Variants in CLEC19A observed in about 807,000 individuals in gnomAD.
CLEC19A encodes the protein C-type lectin domain family 19 member A.
Under a neutral mutation model 26.1 loss-of-function variants are expected in CLEC19A, and 21 were observed. That is an observed-to-expected ratio of 0.80 (90% CI 0.57 to 1.16). The LOEUF is 1.16. CLEC19A is among the 50% of genes most tolerant of loss of function. The pLI is 0.00. For missense variants in CLEC19A, 224 were observed against 227.6 expected (o/e 0.98, Z 0.10); for synonymous variants, 89 against 88.6 (o/e 1.00, Z -0.03).
intron 1 of CLEC19A, among the ~76,000 whole-genome samples, chr16:19,292,321 G>A (rs938253153): frequency 1.3e-5 from 2 of 152,158 alleles, no homozygotes; most frequent in African/African-American, 4.8e-5. Flanking sequence ...GAAGGTCCCA[G>A]GGGATGCTGA....
rs542491516 is a variant in CLEC19A, at chr16:19,286,748, C to T, written c.88+809C>T. Among the ~76,000 whole-genome samples the T allele has an allele frequency of 2.0e-5, 3 of 152,218 alleles. No individual in the cohort carries two copies. In the South Asian group the frequency reaches 6.2e-4, roughly 32 times the overall value. On this transcript the variant is annotated intron_variant, in intron 1 of 4. Coordinates refer to ENST00000636231, the MANE Select transcript of CLEC19A (RefSeq NM_001256720.2). ...TCATATATGGATTTATTTATCATAGCAGTGGCAGAGATATCATTTTTAAAT... is the reference window on the plus strand; with the variant it reads ...TCATATATGGATTTATTTATCATAGTAGTGGCAGAGATATCATTTTTAAAT...
At chr16:19,295,237 G>T (rs1412768196) in intron 1 of CLEC19A, among the ~76,000 whole-genome samples, 1 of 152,046 alleles carries the variant, frequency 6.6e-6, no homozygotes, top group African/African-American at 2.4e-5. Flanking sequence ...TCAGGGTCTT[G>T]CTCTATCGTC....
chr16:19,307,759 G>A lies in CLEC19A; in HGVS notation c.481+82G>A, dbSNP rs575173744. 4.0e-5 allele frequency: 60 copies of A among 1,512,158 alleles called. 1 individual carries two copies. In the South Asian group the frequency reaches 6.0e-4, roughly 15 times the overall value. The allele number at this position is 1,512,158 out of a possible 1,614,324, so 93.7% of individuals were successfully genotyped here. A position where few individuals can be genotyped will look rare whatever the true frequency, so the allele number is the denominator to read the frequency against. The stretch of plus-strand genomic sequence containing the variant: ...GGGAGAGCGGAGAAGGGCCTTGGGG[G>A]AAGAGGAGCACCTGATGGCCTGAGA... On this transcript the variant is annotated intron_variant, in intron 4 of 4. Transcript: ENST00000636231.
chr16:19,307,820 G>A (rs1214657231), intron 4 of CLEC19A, 143 bp downstream of exon 4: 19 of 1,050,308 alleles, frequency 1.8e-5, no homozygotes, highest in Non-Finnish European at 2.2e-5. Context: ...GAGCGGTGGA[G>A]GTCACTAGGG....
At chr16:19,298,916 T>G in intron 2 of CLEC19A, 78 bp downstream of exon 2, 1 of 1,390,452 alleles carries the variant, frequency 7.2e-7, no homozygotes, top group Non-Finnish European at 9.6e-7. Flanking sequence ...TATTTCCAAC[T>G]GGCATTTCTC....
chr16:19,304,534 C>G (rs1355556745), intron 3 of CLEC19A: 2 of 174,254 alleles, frequency 1.1e-5, no homozygotes, highest in Admixed American at 5.7e-5. Flanking sequence ...AACCTCGTCT[C>G]TACTAAAAAT....
At chr16:19,286,203 C>T (rs1019796380) in intron 1 of CLEC19A, among the ~76,000 whole-genome samples, 4 of 152,190 alleles carry the variant, frequency 2.6e-5, no homozygotes, top group African/African-American at 9.6e-5. Flanking sequence ...TCAGCTTCTT[C>T]TAGAAAGTTG....
rs1017239905 is a variant in CLEC19A, at chr16:19,298,756, A to G, written c.172A>G (p.Asn58Asp). ...CCACTGCTATCGATTCTTCCCTCTC[A>G]ATAAGACCTGGGCTGAGGCCGACCT... ...KGHCYRFFPL[N>D]KTWAEADLYC... The change falls in exon 2 of 5, where the codon AAT (asparagine) becomes GAT (aspartate). Residue 58 changes from asparagine (N) to aspartate (D), a missense_variant. Asn to Asp is a conservative substitution (Grantham distance 23, BLOSUM62 1). Coordinates refer to ENST00000636231, the MANE Select transcript of CLEC19A (RefSeq NM_001256720.2). 5 of 1,550,466 alleles carry G rather than the reference A, an allele frequency of 3.2e-6. No homozygotes were observed. The highest frequency in any genetic ancestry group is 4.4e-6 in the Non-Finnish European group (5 of 1,146,988).
At chr16:19,301,756 TTTTTTTTTG>T (rs1897838053) in intron 2 of CLEC19A, among the ~76,000 whole-genome samples, 23 of 132,544 alleles carry the variant, frequency 1.7e-4, no homozygotes, top group Non-Finnish European at 2.6e-4. Flanking sequence ...TTTTTTTTTT[TTTTTTTTTG>T]TATTTTTAGC....
chr16:19,296,952 C>G (rs1241768878), intron 1 of CLEC19A, among the ~76,000 whole-genome samples: 1 of 152,132 alleles, frequency 6.6e-6, no homozygotes, highest in Non-Finnish European at 1.5e-5. Context: ...GGGGTAGGAC[C>G]CAGGCTCTCA....
intron 1 of CLEC19A, among the ~76,000 whole-genome samples, chr16:19,287,429 G>T (rs531213297): frequency 6.6e-6 from 1 of 152,214 alleles, no homozygotes; most frequent in East Asian, 1.9e-4. Context: ...ATCACATTGG[G>T]AGTCAGAGCT....
intron 3 of CLEC19A, among the ~76,000 whole-genome samples, chr16:19,305,625 A>G (rs553686414): frequency 6.6e-6 from 1 of 152,320 alleles, no homozygotes; most frequent in African/African-American, 2.4e-5. Flanking sequence ...GCAAATTTAA[A>G]AAACCTCTCT....
chr16:19,292,096 C>T (rs1473576777), intron 1 of CLEC19A, among the ~76,000 whole-genome samples: 1 of 152,140 alleles, frequency 6.6e-6, no homozygotes, highest in Non-Finnish European at 1.5e-5. Context: ...CACTCAGCCC[C>T]TTTCATTTAA....
At chr16:19,301,747 TTTTTTTTTTTTTTTTTTG>T (rs1897834471) in intron 2 of CLEC19A, among the ~76,000 whole-genome samples, 1 of 119,976 alleles carries the variant, frequency 8.3e-6, no homozygotes, top group Non-Finnish European at 1.7e-5. Flanking sequence ...TTTTTTTTTT[TTTTTTTTTTTTTTTTTTG>T]TATTTTTAGC....
At chr16:19,306,658 T>C (rs1227401774) in intron 3 of CLEC19A, among the ~76,000 whole-genome samples, 1 of 152,200 alleles carries the variant, frequency 6.6e-6, no homozygotes, top group African/African-American at 2.4e-5. Context: ...CTGGGCACCA[T>C]GTGTCAGGCA....
In CLEC19A at chr16:19,301,736, GTTTTTTTTTTTT is replaced by G. The variant is rs1171248968; in HGVS notation, c.255-2309_255-2298del. Among the ~76,000 whole-genome samples the G allele has an allele frequency of 9.9e-3, 807 of 81,486 alleles. 6 individuals are homozygous for G. The highest frequency in any genetic ancestry group is 0.025 in the Middle Eastern group (3 of 118). 53.5% of individuals were successfully genotyped at this position (81,486 alleles called of 152,430 possible). A position where few individuals can be genotyped will look rare whatever the true frequency, so the allele number is the denominator to read the frequency against. On this transcript the variant is annotated intron_variant, in intron 2 of 4. Coordinates refer to ENST00000636231, the MANE Select transcript of CLEC19A (RefSeq NM_001256720.2). ...ATGACACCATGCCCAGGTTTTTTTGGTTTTTTTTTTTTTTTTTTTTTTTTTTTTGTATTTTTA... is the reference window on the plus strand; with the variant it reads ...ATGACACCATGCCCAGGTTTTTTTGGTTTTTTTTTTTTTTTTGTATTTTTA...
At chr16:19,298,966 T>C (rs1372988631) in intron 2 of CLEC19A, 128 bp downstream of exon 2, 5 of 1,055,380 alleles carry the variant, frequency 4.7e-6, no homozygotes, top group African/African-American at 1.6e-5. Flanking sequence ...GGAGATGGAG[T>C]CTTGCTATGT....
intron 1 of CLEC19A, among the ~76,000 whole-genome samples, chr16:19,286,954 A>G (rs1374690260): frequency 2.0e-5 from 3 of 152,042 alleles, no homozygotes; most frequent in African/African-American, 7.2e-5. Context: ...CAAATATTAC[A>G]TGGGACGTAT....
chr16:19,294,062 C>T (rs574893822), intron 1 of CLEC19A, among the ~76,000 whole-genome samples: 2 of 152,176 alleles, frequency 1.3e-5, no homozygotes, highest in Admixed American at 1.3e-4. Flanking sequence ...GTCTTCCCCA[C>T]TAACTACCCT....
Sources: allele counts gnomAD v4.1 joint callset (sites outside exome capture counted in the v4.1 genomes callset), GRCh38; gene constraint gnomAD v4.1.1; transcripts MANE v1.5; gene names NCBI Gene and HGNC (gene_info 2026-07-23, HGNC 2026-07-21).